ADARB2: variants seen among roughly 807,000 people sequenced by gnomAD.
ADARB2 encodes the protein adenosine deaminase RNA specific B2 (inactive), also known as inactive double-stranded RNA-specific editase B2.
Under a neutral mutation model 62.2 loss-of-function variants are expected in ADARB2, and 25 were observed. The ratio of observed to expected loss-of-function variants is 0.40; its 90% CI spans 0.29 to 0.56. ADARB2 has a LOEUF of 0.56. ADARB2 is among the 20% of genes least tolerant of loss of function. The pLI, the probability that ADARB2 is intolerant of heterozygous loss-of-function variation, is 0.43. For synonymous variants in ADARB2, 572 were observed against 500.8 expected, an observed-to-expected ratio of 1.14 and a Z score of -1.90; for missense variants, 1,071 against 1,077.4, an observed-to-expected ratio of 0.99 and a Z score of 0.08.
chr10:1,418,805 G>A (rs565788590), intron 1 of ADARB2, among the ~76,000 whole-genome samples: 1 of 135,324 alleles, frequency 7.4e-6, no homozygotes, highest in East Asian at 2.2e-4. Context: ...GCCTTTCAAA[G>A]TTTCTGCAGG....
intron 3 of ADARB2, among the ~76,000 whole-genome samples, chr10:1,317,696 C>T (rs938514132): frequency 4.2e-5 from 6 of 142,980 alleles, no homozygotes; most frequent in Admixed American, 2.2e-4. Context: ...CTGAGGGCTC[C>T]GTGCCCCTGG....
At chr10:1,430,753 C>T (rs949666640) in intron 1 of ADARB2, among the ~76,000 whole-genome samples, 4 of 151,446 alleles carry the variant, frequency 2.6e-5, no homozygotes, top group African/African-American at 9.7e-5. Flanking sequence ...AAAAAAAAAT[C>T]AGGAGTGTCT....
chr10:1,702,513 A>T (rs1041250431), intron 1 of ADARB2, among the ~76,000 whole-genome samples: 1 of 152,162 alleles, frequency 6.6e-6, no homozygotes, highest in African/African-American at 2.4e-5. Context: ...ATTTTCCTCC[A>T]TGTCCATCAC....
At chr10:1,624,415 C>T (rs1232602677) in intron 1 of ADARB2, among the ~76,000 whole-genome samples, 1 of 152,174 alleles carries the variant, frequency 6.6e-6, no homozygotes, top group East Asian at 1.9e-4. Context: ...CTACCCGTGG[C>T]TCCGAGCACA....
intron 3 of ADARB2, among the ~76,000 whole-genome samples, chr10:1,318,823 C>A (rs1279956309): frequency 6.6e-6 from 1 of 152,178 alleles, no homozygotes; most frequent in Non-Finnish European, 1.5e-5. Flanking sequence ...CTGGAGAAAG[C>A]ATCTCTCAGA....
intron 4 of ADARB2, among the ~76,000 whole-genome samples, chr10:1,258,941 C>A (rs1284320455): frequency 6.6e-6 from 1 of 152,164 alleles, no homozygotes; most frequent in East Asian, 1.9e-4. Context: ...GAAATTATAA[C>A]AAACTGTCTC....
At chr10:1,522,450 C>T (rs777040685) in intron 1 of ADARB2, among the ~76,000 whole-genome samples, 3 of 152,172 alleles carry the variant, frequency 2.0e-5, no homozygotes, top group Non-Finnish European at 2.9e-5. Context: ...GAAGGCCTTT[C>T]CTGCAAACCA....
At chr10:1,691,925 G>A (rs904042373) in intron 1 of ADARB2, among the ~76,000 whole-genome samples, 2 of 150,944 alleles carry the variant, frequency 1.3e-5, no homozygotes, top group Middle Eastern at 3.2e-3. Context: ...GTGTGTGCAC[G>A]CATGCATGTA....
chr10:1,437,981 C>T lies in ADARB2; in HGVS notation c.101-58821G>A, dbSNP rs536259344. The stretch of plus-strand genomic sequence containing the variant: ...AACATTATGCCAGCTGGCATGACCC[C>T]GTTTACTCATGAGAACCGCTTCGTC... On this transcript the variant is annotated intron_variant, in intron 1 of 9. Coordinates refer to ENST00000381312, the MANE Select transcript of ADARB2 (RefSeq NM_018702.4). Among the ~76,000 whole-genome samples, 13 of 152,324 alleles carry T rather than the reference C, an allele frequency of 8.5e-5. No homozygotes were observed. The East Asian group carries it at 1.7e-3, about 20-fold the overall frequency.
chr10:1,240,444 G>A (rs942642551), intron 5 of ADARB2: 2 of 151,734 alleles, frequency 1.3e-5, no homozygotes, highest in Non-Finnish European at 2.9e-5. Flanking sequence ...ATTGTGTTCT[G>A]TGGGGCCCTG....
chr10:1,216,956 G>A lies in ADARB2; in HGVS notation c.1677C>T (p.Ile559=), dbSNP rs776366797. 22 of 1,606,398 alleles carry A rather than the reference G, an allele frequency of 1.4e-5. 1 individual carries two copies. The East Asian group carries it at 2.2e-4, about 16-fold the overall frequency. Residue 559 remains isoleucine (I), a synonymous_variant, in exon 7 of 10, where the codon ATC becomes ATT. Coordinates refer to ENST00000381312, the MANE Select transcript of ADARB2 (RefSeq NM_018702.4). ...QLITMSCTDK[I]ARWNVLGLQG... The stretch of plus-strand genomic sequence containing the variant: ...GAGGAAGCCGTGGGCCTCACCTGGC[G>A]ATCTTGTCCGTGCAGGACATGGTGA...
chr10:1,430,527 A>G (rs767571663), intron 1 of ADARB2, among the ~76,000 whole-genome samples: 2 of 152,350 alleles, frequency 1.3e-5, no homozygotes, highest in South Asian at 4.1e-4. Flanking sequence ...TTACAATGAC[A>G]TATATGGATT....
chr10:1,272,566 G>A (rs960823999), intron 3 of ADARB2, among the ~76,000 whole-genome samples: 2 of 152,204 alleles, frequency 1.3e-5, no homozygotes, highest in South Asian at 2.1e-4. Flanking sequence ...GCCTCAAGCC[G>A]CTGTAGCCTG....
chr10:1,500,388 G>A (rs532952499), intron 1 of ADARB2, among the ~76,000 whole-genome samples: 4 of 152,280 alleles, frequency 2.6e-5, no homozygotes, highest in Admixed American at 6.5e-5. Flanking sequence ...AGGTAGAATC[G>A]GCATGACTTT....
At chr10:1,467,577 C>T (rs1012517944) in intron 1 of ADARB2, among the ~76,000 whole-genome samples, 8 of 152,148 alleles carry the variant, frequency 5.3e-5, no homozygotes, top group South Asian at 2.1e-4. Context: ...CACCTGCTGT[C>T]GAGCGAGGAC....
chr10:1,273,000 C>T (rs909908312), intron 3 of ADARB2, among the ~76,000 whole-genome samples: 16 of 152,340 alleles, frequency 1.1e-4, no homozygotes, highest in South Asian at 8.3e-4. Context: ...CTGCAGTCTC[C>T]GCCTCTATCC....
intron 1 of ADARB2, among the ~76,000 whole-genome samples, chr10:1,729,978 C>G (rs138254164): frequency 1.3e-5 from 2 of 152,278 alleles, no homozygotes; most frequent in East Asian, 3.9e-4. Context: ...TTAATTAAAT[C>G]GATAAATTCT....
At chr10:1,609,022 G>A (rs1379118627) in intron 1 of ADARB2, among the ~76,000 whole-genome samples, 1 of 152,138 alleles carries the variant, frequency 6.6e-6, no homozygotes, top group East Asian at 1.9e-4. Flanking sequence ...AATGCAGAAG[G>A]CTAGAAAGAA....
chr10:1,373,232 C>T (rs145035844), intron 2 of ADARB2, among the ~76,000 whole-genome samples: 2 of 151,954 alleles, frequency 1.3e-5, no homozygotes, highest in Non-Finnish European at 2.9e-5. Context: ...TGTCTGTCTC[C>T]GTGTCTCTCT....
Sources: allele counts gnomAD v4.1 joint callset (sites outside exome capture counted in the v4.1 genomes callset), GRCh38; gene constraint gnomAD v4.1.1; transcripts MANE v1.5; gene names NCBI Gene and HGNC (gene_info 2026-07-23, HGNC 2026-07-21).